The following ERBIN variants were observed in gnomAD, a reference collection of about 807,000 sequenced individuals.
The protein encoded by ERBIN is densin-180-like protein.
A neutral mutation model predicts 158.4 loss-of-function variants in ERBIN; 60 were observed. The observed-to-expected ratio is 0.38, with a 90% CI of 0.31 to 0.47. ERBIN has a LOEUF of 0.47. ERBIN is among the 20% of genes least tolerant of loss of function. ERBIN has a pLI of 0.99. For synonymous variants in ERBIN, 594 were observed against 557.2 expected, an observed-to-expected ratio of 1.07 and a Z score of -0.93; for missense variants, 1,610 against 1,648.0, an observed-to-expected ratio of 0.98 and a Z score of 0.40.
intron 1 of ERBIN, among the ~76,000 whole-genome samples, chr5:65,932,706 C>T (rs1201778098): frequency 6.6e-6 from 1 of 152,092 alleles, no homozygotes; most frequent in Non-Finnish European, 1.5e-5. Flanking sequence ...ATCTTTAAGC[C>T]CACTTACTTG....
chr5:66,082,403 G>A lies in ERBIN; in HGVS notation c.*3873G>A. On this transcript the variant is annotated 3_prime_UTR_variant, in exon 26 of 26. Coordinates refer to ENST00000284037, the MANE Select transcript of ERBIN (RefSeq NM_001253697.2). ...GACAATGGTGATCTGTCACGCATCT[G>A]CCCATCTAGCTTCTCAATCGGCCCA... 1 of 152,184 alleles carries A rather than the reference G, an allele frequency of 6.6e-6. No homozygotes were observed. 9.4% of individuals were successfully genotyped at this position (152,184 alleles called of 1,614,324 possible).
At chr5:66,018,534 A>G (rs796351639) in intron 7 of ERBIN, among the ~76,000 whole-genome samples, 1 of 9,144 alleles carries the variant, frequency 1.1e-4, no homozygotes, top group Non-Finnish European at 2.0e-4. Context: ...ATATTATATT[A>G]TATAATATAT....
At position 66,078,951 on chromosome 5, in the gene ERBIN, G is replaced by A. The variant is rs1762249786; in HGVS notation, c.*421G>A. 1 of 163,358 alleles carries A rather than the reference G, an allele frequency of 6.1e-6. No individual in the cohort carries two copies. The highest frequency in any genetic ancestry group is 2.4e-5 in the African/African-American group (1 of 41,480). 10.1% of individuals were successfully genotyped at this position (163,358 alleles called of 1,614,324 possible). ...TTATTTTTATTCAACTGGTATTAAT[G>A]TTTTTCTCCTGAAACTACTTTTTTT... On this transcript the variant is annotated 3_prime_UTR_variant, in exon 26 of 26. Coordinates refer to ENST00000284037, the MANE Select transcript of ERBIN (RefSeq NM_001253697.2).
chr5:65,978,931 C>A (rs902995196), intron 1 of ERBIN, among the ~76,000 whole-genome samples: 5 of 152,152 alleles, frequency 3.3e-5, no homozygotes, highest in Non-Finnish European at 1.5e-5. Context: ...GCAACCCAAG[C>A]TTCTACTACC....
At chr5:66,021,556 A>G (rs1755688867) in intron 8 of ERBIN, among the ~76,000 whole-genome samples, 171 bp downstream of exon 8, 1 of 152,120 alleles carries the variant, frequency 6.6e-6, no homozygotes, top group Non-Finnish European at 1.5e-5. Context: ...AAAATTAACC[A>G]GACAGATGAA....
At chr5:66,002,355 A>G (rs968021949) in intron 4 of ERBIN, among the ~76,000 whole-genome samples, 1 of 152,234 alleles carries the variant, frequency 6.6e-6, no homozygotes, top group Non-Finnish European at 1.5e-5. Context: ...AGCAACCAGT[A>G]TTAGAGAAAT....
At chr5:66,000,414 A>G (rs1190272902) in intron 4 of ERBIN, among the ~76,000 whole-genome samples, 3 of 152,174 alleles carry the variant, frequency 2.0e-5, no homozygotes, top group African/African-American at 4.8e-5. Flanking sequence ...TAGGCAACCT[A>G]TTAGACTGCA....
At chr5:65,965,836 GT>G (rs1288554249) in intron 1 of ERBIN, among the ~76,000 whole-genome samples, 1 of 152,016 alleles carries the variant, frequency 6.6e-6, no homozygotes. Flanking sequence ...ATTTACTATT[GT>G]TTTTTCCTTC....
intron 1 of ERBIN, among the ~76,000 whole-genome samples, chr5:65,964,947 ATTTTTTT>A (rs772634145): frequency 6.6e-5 from 5 of 75,640 alleles, no homozygotes; most frequent in Admixed American, 6.4e-4. Context: ...TGTGTGTGTA[ATTTTTTT>A]TTTTTTTTTT....
At chr5:66,006,505 A>G (rs1753614311) in intron 4 of ERBIN, among the ~76,000 whole-genome samples, 2 of 152,172 alleles carry the variant, frequency 1.3e-5, no homozygotes, top group Admixed American at 1.3e-4. Flanking sequence ...TGTCTAAAAC[A>G]CCAAAAGCAA....
intron 21 of ERBIN, among the ~76,000 whole-genome samples, chr5:66,063,378 G>A (rs1011539578): frequency 2.6e-5 from 4 of 152,296 alleles, no homozygotes; most frequent in African/African-American, 9.6e-5. Flanking sequence ...GGTTTGTTAA[G>A]CCCGTTGGAA....
intron 1 of ERBIN, among the ~76,000 whole-genome samples, chr5:65,960,251 C>A (rs182359909): frequency 8.9e-4 from 135 of 152,250 alleles, no homozygotes; most frequent in African/African-American, 3.2e-3. Flanking sequence ...GAAGAGTACA[C>A]ACTATATGAT....
In ERBIN at chr5:66,075,196, C is replaced by A; in HGVS notation, c.3929C>A (p.Ser1310Tyr). 1 of 1,614,142 alleles carries A rather than the reference C, an allele frequency of 6.2e-7. No homozygotes were observed. The highest frequency in any genetic ancestry group is 1.1e-5 in the South Asian group (1 of 91,078). Reference protein sequence around the residue: ...HQPPYTQPHCSPRQGHELAKQ... With the variant: ...HQPPYTQPHCYPRQGHELAKQ... ...CCTCCATATACACAGCCCCATTGTT[C>A]TCCTAGACAAGGCCATGAACTGGCA... The change falls in exon 23 of 26, where the codon TCT (serine) becomes TAT (tyrosine). Residue 1310 changes from serine to tyrosine, a missense_variant. Coordinates refer to ENST00000284037, the MANE Select transcript of ERBIN (RefSeq NM_001253697.2).
At chr5:65,978,663 G>T (rs889000432) in intron 1 of ERBIN, among the ~76,000 whole-genome samples, 1 of 152,234 alleles carries the variant, frequency 6.6e-6, no homozygotes, top group Non-Finnish European at 1.5e-5. Flanking sequence ...AGGCATTCAA[G>T]AATTAGGATC....
At chr5:66,013,105 C>G (rs1275904010) in intron 5 of ERBIN, among the ~76,000 whole-genome samples, 1 of 152,162 alleles carries the variant, frequency 6.6e-6, no homozygotes, top group Non-Finnish European at 1.5e-5. Context: ...TGTAGCTAAA[C>G]ATCCTATAGT....
At chr5:65,972,044 T>C (rs1391902764) in intron 1 of ERBIN, among the ~76,000 whole-genome samples, 1 of 152,144 alleles carries the variant, frequency 6.6e-6, no homozygotes, top group Non-Finnish European at 1.5e-5. Flanking sequence ...AAAGGTGCTT[T>C]ATGGATTTGT....
intron 1 of ERBIN, among the ~76,000 whole-genome samples, chr5:65,951,466 C>T (rs1362089818): frequency 1.3e-5 from 2 of 152,136 alleles, no homozygotes; most frequent in African/African-American, 4.8e-5. Context: ...TTGATACGTT[C>T]AGTTAAATAA....
In ERBIN at chr5:66,018,511, T is replaced by TA. The variant is rs1755160275; in HGVS notation, c.534-2810dup. On this transcript the variant is annotated intron_variant, in intron 7 of 25. Coordinates refer to ENST00000284037, the MANE Select transcript of ERBIN (RefSeq NM_001253697.2). ...ATTATATTATATAATATATATTATA[T>TA]ATTATATAATATATATTATATTATA... 5.8e-4 allele frequency among the ~76,000 whole-genome samples: 9 copies of TA among 15,556 alleles called. 2 individuals carry two copies. The highest frequency in any genetic ancestry group is 1.5e-3 in the African/African-American group (7 of 4,738). The allele number at this position is 15,556 out of a possible 152,430, so 10.2% of individuals were successfully genotyped here.
At chr5:65,998,265 T>C (rs970740714) in intron 4 of ERBIN, among the ~76,000 whole-genome samples, 1 of 149,356 alleles carries the variant, frequency 6.7e-6, no homozygotes, top group Non-Finnish European at 1.5e-5. Context: ...TATATTTATA[T>C]ATCTCCACTT....
Sources: allele counts gnomAD v4.1 joint callset (sites outside exome capture counted in the v4.1 genomes callset), GRCh38; gene constraint gnomAD v4.1.1; transcripts MANE v1.5; gene names NCBI Gene and HGNC (gene_info 2026-07-23, HGNC 2026-07-21).